DLG2: variants seen among roughly 807,000 people sequenced by gnomAD.
The protein encoded by DLG2 is discs large MAGUK scaffold protein 2.
A neutral mutation model predicts 132.5 loss-of-function variants in DLG2; 45 were observed. The observed-to-expected ratio is 0.34, with a 90% confidence interval of 0.27 to 0.44. The LOEUF is 0.44. Ranked by LOEUF, DLG2 falls within the 20% of genes least tolerant of loss-of-function variation. DLG2 has a pLI of 1.00. For missense variants in DLG2, 1,045 were observed against 1,196.9 expected (o/e 0.87, Z 1.87); for synonymous variants, 424 against 419.6 (o/e 1.01, Z -0.13).
intron 15 of DLG2, among the ~76,000 whole-genome samples, chr11:83,892,901 C>G (rs2070384480): frequency 6.6e-6 from 1 of 152,166 alleles, no homozygotes. Flanking sequence ...AGACCATGAT[C>G]TTCAAGCATA....
intron 6 of DLG2, among the ~76,000 whole-genome samples, chr11:84,934,528 T>TG (rs2048499903): frequency 7.7e-6 from 1 of 129,514 alleles, no homozygotes; most frequent in Admixed American, 8.0e-5. Context: ...TTGTTTTGTT[T>TG]TTTTTTTTTT....
At chr11:83,815,503 C>T (rs1302363119) in intron 17 of DLG2, among the ~76,000 whole-genome samples, 3 of 152,124 alleles carry the variant, frequency 2.0e-5, no homozygotes, top group African/African-American at 7.2e-5. Context: ...GATGTGCGTT[C>T]TCTGTTGGTG....
At chr11:84,316,686 A>T (rs2098359901) in intron 7 of DLG2, 1 of 924,786 alleles carries the variant, frequency 1.1e-6, no homozygotes, top group East Asian at 2.7e-5. Context: ...TGTGAAAATG[A>T]CAGGTTTTTC....
intron 3 of DLG2, among the ~76,000 whole-genome samples, chr11:85,596,369 C>T (rs1462340642): frequency 6.6e-6 from 1 of 152,116 alleles, no homozygotes; most frequent in Non-Finnish European, 1.5e-5. Context: ...GCCTGAGCGA[C>T]AGAGCGAGAC....
intron 19 of DLG2, among the ~76,000 whole-genome samples, chr11:83,543,269 G>A (rs2096135622): frequency 3.9e-5 from 6 of 152,110 alleles, no homozygotes. Flanking sequence ...AGGGAGCTGG[G>A]GAAAGGCCAA....
intron 6 of DLG2, among the ~76,000 whole-genome samples, chr11:84,730,480 C>A (rs1015046958): frequency 5.3e-5 from 8 of 152,020 alleles, no homozygotes; most frequent in African/African-American, 2.4e-5. Flanking sequence ...AAATGTCAAC[C>A]AAGCACAGCA....
intron 16 of DLG2, among the ~76,000 whole-genome samples, chr11:83,839,047 T>C (rs1279860896): frequency 6.6e-6 from 1 of 152,216 alleles, no homozygotes; most frequent in Non-Finnish European, 1.5e-5. Context: ...TACCCATTTA[T>C]GTTACCCATC....
chr11:85,437,163 AG>A (rs2091528832), intron 3 of DLG2, among the ~76,000 whole-genome samples: 1 of 152,058 alleles, frequency 6.6e-6, no homozygotes, highest in South Asian at 2.1e-4. Flanking sequence ...GAGGGATGCA[AG>A]GGGAGGGAGA....
At chr11:84,361,847 A>G (rs2098651546) in intron 7 of DLG2, among the ~76,000 whole-genome samples, 1 of 151,942 alleles carries the variant, frequency 6.6e-6, no homozygotes, top group African/African-American at 2.4e-5. Context: ...ATATTATTTA[A>G]AGATAGACTG....
chr11:83,508,555 C>G (rs148589230), intron 21 of DLG2, among the ~76,000 whole-genome samples: 14 of 151,806 alleles, frequency 9.2e-5, no homozygotes, highest in Non-Finnish European at 1.5e-4. Context: ...AATATACATT[C>G]TTAATACTAG....
intron 7 of DLG2, among the ~76,000 whole-genome samples, chr11:84,312,968 C>T (rs891989909): frequency 6.7e-6 from 1 of 149,276 alleles, no homozygotes; most frequent in East Asian, 2.0e-4. Context: ...CGCCACCACG[C>T]CCGGCCAATT....
In DLG2 at chr11:84,980,320, G is replaced by T. The variant is rs149673702; in HGVS notation, c.357+131341C>A. On this transcript the variant is annotated intron_variant, in intron 6 of 27. Transcript: ENST00000376104. Reference sequence around the variant, plus strand: ...TATCACCTACCCAGCATTTAAAATGGTCCTGGTGGCAGTTCTCACCAAGAA... The same window carrying T: ...TATCACCTACCCAGCATTTAAAATGTTCCTGGTGGCAGTTCTCACCAAGAA... Among the ~76,000 whole-genome samples the T allele has an allele frequency of 3.9e-4, 60 of 152,122 alleles. 2 individuals carry two copies. The highest frequency in any genetic ancestry group is 1.3e-3 in the African/African-American group (54 of 41,482).
At chr11:85,420,537 C>T (rs535715659) in intron 3 of DLG2, among the ~76,000 whole-genome samples, 74 of 152,288 alleles carry the variant, frequency 4.9e-4, no homozygotes, top group African/African-American at 1.6e-3. Flanking sequence ...CCACATCCCC[C>T]CTTCCCCCAG....
At chr11:83,498,446 T>C (rs2094267430) in intron 21 of DLG2, among the ~76,000 whole-genome samples, 3 of 152,018 alleles carry the variant, frequency 2.0e-5, no homozygotes. Flanking sequence ...AACACTCTCC[T>C]AACTAACCAA....
intron 3 of DLG2, among the ~76,000 whole-genome samples, chr11:85,448,978 C>T (rs756968269): frequency 4.6e-5 from 7 of 152,092 alleles, no homozygotes; most frequent in East Asian, 1.9e-4. Flanking sequence ...AAGTTGTTTA[C>T]GTTAATCTTA....
At chr11:85,003,498 A>G (rs1336512899) in intron 6 of DLG2, among the ~76,000 whole-genome samples, 3 of 152,180 alleles carry the variant, frequency 2.0e-5, no homozygotes, top group African/African-American at 4.8e-5. Flanking sequence ...TTGTATAGGA[A>G]CTATTAGCAT....
intron 5 of DLG2, among the ~76,000 whole-genome samples, chr11:85,126,013 T>C (rs2075067087): frequency 6.6e-6 from 1 of 152,074 alleles, no homozygotes; most frequent in African/African-American, 2.4e-5. Context: ...GGTAGTGACA[T>C]GTAAGGTGAC....
At chr11:84,740,934 T>C (rs1349904050) in intron 6 of DLG2, among the ~76,000 whole-genome samples, 1 of 152,104 alleles carries the variant, frequency 6.6e-6, no homozygotes, top group Non-Finnish European at 1.5e-5. Context: ...TCCACACCAC[T>C]GTGGGCATGG....
At chr11:83,491,486 T>A (rs1262438154) in intron 21 of DLG2, among the ~76,000 whole-genome samples, 1 of 151,980 alleles carries the variant, frequency 6.6e-6, no homozygotes, top group East Asian at 1.9e-4. Context: ...GTTTTATTTT[T>A]CCCCCATTTA....
Sources: gnomAD v4.1 joint callset for allele counts (sites outside exome capture counted in the v4.1 genomes callset) on GRCh38, gnomAD v4.1.1 for gene constraint, MANE v1.5 for transcripts, NCBI Gene and HGNC (gene_info 2026-07-23, HGNC 2026-07-21) for gene names.